Variants in PRKG1 observed in about 807,000 individuals in gnomAD.
PRKG1 encodes the protein protein kinase cGMP-dependent 1.
A neutral mutation model predicts 88.1 loss-of-function variants in PRKG1; 35 were observed. That is an observed-to-expected ratio of 0.40 (90% CI 0.30 to 0.53). The LOEUF (loss-of-function observed/expected upper bound fraction) is 0.53, where lower values mean the gene tolerates loss of function less well. PRKG1 is among the 20% of genes least tolerant of loss of function. PRKG1 has a pLI of 0.59. For synonymous variants in PRKG1, 303 were observed against 292.5 expected, an observed-to-expected ratio of 1.04 and a Z score of -0.37; for missense variants, 540 against 839.8, an observed-to-expected ratio of 0.64 and a Z score of 4.41.
chr10:51,140,381 C>CA (rs1251679960), intron 1 of PRKG1, among the ~76,000 whole-genome samples: 3 of 152,068 alleles, frequency 2.0e-5, no homozygotes, highest in Non-Finnish European at 2.9e-5. Context: ...ATGAGGTACT[C>CA]AAAAAATGCT....
chr10:51,290,068 A>T (rs569126520), intron 2 of PRKG1, among the ~76,000 whole-genome samples: 1 of 152,256 alleles, frequency 6.6e-6, no homozygotes, highest in East Asian at 1.9e-4. Flanking sequence ...TGAGATAAAT[A>T]TACATTCAGA....
chr10:51,905,509 C>G (rs945686437), intron 4 of PRKG1, among the ~76,000 whole-genome samples: 3 of 152,156 alleles, frequency 2.0e-5, no homozygotes, highest in Admixed American at 1.3e-4. Context: ...TTTCTCCATT[C>G]AGATATTAAG....
At chr10:52,169,066 A>G (rs1044437253) in intron 9 of PRKG1, among the ~76,000 whole-genome samples, 3 of 152,186 alleles carry the variant, frequency 2.0e-5, no homozygotes, top group African/African-American at 4.8e-5. Context: ...TGAGAGGAGC[A>G]TGGCACTGAG....
chr10:51,181,488 G>A (rs143545435), intron 2 of PRKG1, among the ~76,000 whole-genome samples: 19 of 151,600 alleles, frequency 1.3e-4, no homozygotes, highest in African/African-American at 4.4e-4. Flanking sequence ...TGATCCACCC[G>A]CCTCGGCCTC....
intron 3 of PRKG1, among the ~76,000 whole-genome samples, chr10:51,505,638 T>G (rs1038342649): frequency 2.0e-5 from 3 of 152,098 alleles, no homozygotes; most frequent in African/African-American, 7.2e-5. Context: ...AATTATTGCC[T>G]CAATTTCAGA....
intron 2 of PRKG1, among the ~76,000 whole-genome samples, chr10:51,399,322 T>G (rs1251901836): frequency 1.3e-5 from 2 of 152,178 alleles, no homozygotes; most frequent in South Asian, 2.1e-4. Flanking sequence ...GAAATCTTAT[T>G]GGTTCTGTTT....
At chr10:51,386,957 T>G (rs1168942045) in intron 2 of PRKG1, among the ~76,000 whole-genome samples, 1 of 152,196 alleles carries the variant, frequency 6.6e-6, no homozygotes, top group Non-Finnish European at 1.5e-5. Flanking sequence ...AAATAGAATT[T>G]TATAAATTGT....
intron 2 of PRKG1, among the ~76,000 whole-genome samples, chr10:51,442,016 C>G (rs567072408): frequency 6.6e-6 from 1 of 151,432 alleles, no homozygotes; most frequent in African/African-American, 2.4e-5. Context: ...TTAAGTTATC[C>G]GGAGTTATTT....
chr10:52,270,697 A>C (rs1219311552), intron 10 of PRKG1, among the ~76,000 whole-genome samples: 2 of 136,874 alleles, frequency 1.5e-5, no homozygotes, highest in South Asian at 2.7e-4. Context: ...AGGAAGGGGA[A>C]CATCACACAC....
intron 9 of PRKG1, among the ~76,000 whole-genome samples, chr10:52,246,609 G>A (rs1248146973): frequency 1.3e-5 from 2 of 152,062 alleles, no homozygotes. Flanking sequence ...AGTTGTGGTG[G>A]CTCATGCCTG....
chr10:51,034,463 A>G (rs1843325477), intron 1 of PRKG1, among the ~76,000 whole-genome samples: 2 of 151,648 alleles, frequency 1.3e-5, no homozygotes, highest in Admixed American at 1.3e-4. Context: ...TTTCATAAAA[A>G]CCTTAATTTT....
intron 5 of PRKG1, among the ~76,000 whole-genome samples, chr10:51,933,043 C>T (rs771040523): frequency 2.0e-5 from 3 of 152,190 alleles, no homozygotes; most frequent in East Asian, 3.9e-4. Flanking sequence ...GACTTTAGTA[C>T]ATTATCACAC....
chr10:52,014,010 T>A (rs1038962715), intron 5 of PRKG1, among the ~76,000 whole-genome samples: 2 of 152,034 alleles, frequency 1.3e-5, no homozygotes, highest in African/African-American at 4.8e-5. Flanking sequence ...CCCAATTTTC[T>A]AAGGAAGAGA....
At chr10:51,971,338 T>C (rs1843710111) in intron 5 of PRKG1, among the ~76,000 whole-genome samples, 2 of 152,024 alleles carry the variant, frequency 1.3e-5, no homozygotes, top group South Asian at 4.1e-4. Context: ...TTTTTAAAGA[T>C]TTATATGAAG....
intron 9 of PRKG1, among the ~76,000 whole-genome samples, chr10:52,234,031 G>T (rs1241104934): frequency 6.6e-6 from 1 of 151,790 alleles, no homozygotes; most frequent in Admixed American, 6.6e-5. Flanking sequence ...GTCTAACTGG[G>T]AGGCACCCCC....
At chr10:52,154,985 G>T (rs551671923) in intron 8 of PRKG1, among the ~76,000 whole-genome samples, 180 of 152,072 alleles carry the variant, frequency 1.2e-3, no homozygotes, top group African/African-American at 4.3e-3. Flanking sequence ...TTTTTTTATG[G>T]CTGAGTAGTA....
intron 8 of PRKG1, among the ~76,000 whole-genome samples, chr10:52,155,233 T>G (rs761637674): frequency 1.7e-4 from 26 of 152,146 alleles, no homozygotes; most frequent in Non-Finnish European, 2.9e-5. Flanking sequence ...ATCTCCATAC[T>G]ATTTTCCATA....
At chr10:52,027,401 A>T (rs16913491) in intron 5 of PRKG1, among the ~76,000 whole-genome samples, 7,451 of 152,298 alleles carry the variant, frequency 0.049, 458 homozygotes, top group African/African-American at 0.14. Flanking sequence ...CTTGTATTCC[A>T]GTAAATGAAT....
chr10:51,335,948 A>G (rs1381760363), intron 2 of PRKG1, among the ~76,000 whole-genome samples: 3 of 152,216 alleles, frequency 2.0e-5, no homozygotes, highest in Admixed American at 1.3e-4. Context: ...TACAGAAATC[A>G]TGGTTATAAA....
Sources: gnomAD v4.1 joint callset for allele counts (sites outside exome capture counted in the v4.1 genomes callset) on GRCh38, gnomAD v4.1.1 for gene constraint, MANE v1.5 for transcripts, NCBI Gene and HGNC (gene_info 2026-07-23, HGNC 2026-07-21) for gene names.